TTLL10: variants seen among roughly 807,000 people sequenced by gnomAD.
The protein encoded by TTLL10 is tubulin tyrosine ligase like 10.
A neutral mutation model predicts 69.0 loss-of-function variants in TTLL10; 61 were observed. The observed-to-expected ratio is 0.88, with a 90% CI of 0.72 to 1.09. TTLL10 has a LOEUF of 1.09. TTLL10 is among the 50% of genes least tolerant of loss of function. TTLL10 has a pLI of 0.00. For synonymous variants in TTLL10, 408 were observed against 393.3 expected, an observed-to-expected ratio of 1.04 and a Z score of -0.44; for missense variants, 962 against 945.9, an observed-to-expected ratio of 1.02 and a Z score of -0.22.
chr1:1,179,074 T>C, intron 3 of TTLL10, 115 bp from the exon 4 acceptor site: 2 of 689,860 alleles, frequency 2.9e-6, no homozygotes, highest in East Asian at 2.9e-5. Flanking sequence ...CCCACGGCCC[T>C]GGGAGGCGCC....
At position 1,185,510 on chromosome 1, in the gene TTLL10, C is replaced by A; in HGVS notation, c.1401+401C>A. ...GAGCAGCAGCAGCTGCCCGTGCAGG[C>A]CCGGACTCTCCCTAGCTAAGGGCCA... On this transcript the variant is annotated intron_variant, in intron 13 of 15. Coordinates refer to ENST00000379289, the MANE Select transcript of TTLL10 (RefSeq NM_001130045.2). This position sits in a 1 kb window ranked among gnomAD's most constrained non-coding sequence, Gnocchi z 6.1. The A allele has an allele frequency of 9.5e-7, 1 of 1,050,878 alleles. No individual in the cohort carries two copies. The highest frequency in any genetic ancestry group is 1.1e-6 in the Non-Finnish European group (1 of 872,588). 65.1% of individuals were successfully genotyped at this position (1,050,878 alleles called of 1,614,324 possible).
chr1:1,190,167 T>C (rs571795607), intron 13 of TTLL10, among the ~76,000 whole-genome samples: 1 of 151,704 alleles, frequency 6.6e-6, no homozygotes, highest in Admixed American at 6.6e-5. Context: ...ATTTGTTTAG[T>C]GTACAAAGTA....
Position 1,185,705 on chromosome 1 carries a change from C to A in TTLL10, c.1401+596C>A, listed in dbSNP as rs1194354430. 2.6e-5 allele frequency: 26 copies of A among 985,424 alleles called. No individual in the cohort carries two copies. Among genetic ancestry groups the A allele is most frequent in the Non-Finnish European group, 2.8e-5 (23 of 830,018 alleles). The allele number at this position is 985,424 out of a possible 1,614,324, so 61.0% of individuals were successfully genotyped here. On this transcript the variant is annotated intron_variant, in intron 13 of 15. Coordinates refer to ENST00000379289, the MANE Select transcript of TTLL10 (RefSeq NM_001130045.2). This position sits in a 1 kb window ranked among gnomAD's most constrained non-coding sequence, Gnocchi z 6.1. ...CTGTCTTGGTCACCCCGGCCAGGCC[C>A]CGGAAGCAGCAGCCAGGGATGGTCC...
intron 13 of TTLL10, among the ~76,000 whole-genome samples, chr1:1,186,850 G>GT (rs35158481): frequency 0.1 from 14,243 of 140,214 alleles, 807 homozygotes; most frequent in East Asian, 0.16. Flanking sequence ...TTTGTTTTTT[G>GT]TTTTTTTTTT....
intron 6 of TTLL10, 26 bp from the exon 7 acceptor site, chr1:1,180,457 G>GGCCCCCC: frequency 3.9e-6 from 6 of 1,520,722 alleles, no homozygotes; most frequent in South Asian, 1.2e-5. Flanking sequence ...CGGCCCCCAG[G>GGCCCCCC]TCACCCCCGC....
chr1:1,185,027 T>C lies in TTLL10; in HGVS notation c.1319T>C (p.Met440Thr). The change falls in exon 13 of 16, where the codon ATG (methionine) becomes ACG (threonine). Residue 440 changes from methionine to threonine, a missense_variant. Coordinates refer to ENST00000379289, the MANE Select transcript of TTLL10 (RefSeq NM_001130045.2). The surrounding 1 kb of genome is among the most constrained non-coding windows in gnomAD (Gnocchi z 6.1). ...CTGAAGGAGCACACGGTGTGGAGCA[T>C]GGAACACCTCAACCGCTACATCAGT... ...MLLKEHTVWSMEHLNRYISDT... is the reference protein window; with the variant it reads ...MLLKEHTVWSTEHLNRYISDT... The C allele has an allele frequency of 1.2e-6, 2 of 1,614,014 alleles. No individual in the cohort carries two copies. The highest frequency in any genetic ancestry group is 1.7e-6 in the Non-Finnish European group (2 of 1,179,998).
At chr1:1,183,106 G>A in intron 11 of TTLL10, 59 bp downstream of exon 11, 2 of 1,517,174 alleles carry the variant, frequency 1.3e-6, no homozygotes, top group Non-Finnish European at 1.8e-6. Context: ...GGGCCCCACT[G>A]GTGCAGTCAG....
chr1:1,197,859 C>CGCGCCCA lies in TTLL10; in HGVS notation c.*19_*25dup. On this transcript the variant is annotated 3_prime_UTR_variant, in exon 16 of 16. Transcript: ENST00000379289. Reference sequence around the variant, plus strand: ...ACGCGAGGCCCTAGGGGCAGCCACCCGCGCCCAGCGCCCCGCGCCCCGCGC... The same window carrying CGCGCCCA: ...ACGCGAGGCCCTAGGGGCAGCCACCCGCGCCCAGCGCCCAGCGCCCCGCGCCCCGCGC... The CGCGCCCA allele has an allele frequency of 7.0e-7, 1 of 1,429,548 alleles. No homozygotes were observed. 88.6% of individuals were successfully genotyped at this position (1,429,548 alleles called of 1,614,324 possible).
At chr1:1,175,278 T>C (rs1204427609) in intron 3 of TTLL10, 1 of 215,874 alleles carries the variant, frequency 4.6e-6, no homozygotes, top group Non-Finnish European at 9.1e-6. Flanking sequence ...TTCCAGCTGC[T>C]GCTTCTTCTG....
intron 10 of TTLL10, 23 bp downstream of exon 10, chr1:1,182,469 C>T: frequency 6.2e-7 from 1 of 1,610,660 alleles, no homozygotes; most frequent in Non-Finnish European, 8.5e-7. Flanking sequence ...TGGCCGGACA[C>T]CAGGCTGGCC....
intron 13 of TTLL10, among the ~76,000 whole-genome samples, chr1:1,188,548 G>C (rs1647513274): frequency 6.6e-6 from 1 of 151,910 alleles, no homozygotes; most frequent in Non-Finnish European, 1.5e-5. Flanking sequence ...GGGATTACAG[G>C]CACCCACCAC....
At chr1:1,191,981 C>T (rs554965530) in intron 13 of TTLL10, among the ~76,000 whole-genome samples, 1 of 152,376 alleles carries the variant, frequency 6.6e-6, no homozygotes, top group South Asian at 2.1e-4. Context: ...TCATTCCCGT[C>T]AACCCACAAC....
At chr1:1,182,849 C>T in intron 10 of TTLL10, 27 bp from the exon 11 acceptor site, 1 of 1,533,760 alleles carries the variant, frequency 6.5e-7, no homozygotes. Flanking sequence ...GGGGCGAGGC[C>T]AGGGGCTCAG....
Position 1,182,863 on chromosome 1 carries a change from G to C in TTLL10, c.917-13G>C. The C allele has an allele frequency of 6.4e-7, 1 of 1,553,380 alleles. No individual in the cohort carries two copies. Among genetic ancestry groups the C allele is most frequent in the Non-Finnish European group, 8.7e-7 (1 of 1,146,702 alleles). ...GGGGGCGAGGCCAGGGGCTCAGGCC[G>C]CGCTCTCTGCAGAAACCCAGATATG... On this transcript the variant is annotated splice_polypyrimidine_tract_variant and intron_variant, in intron 10 of 15. Transcript: ENST00000379289.
At chr1:1,178,157 G>C (rs1453204782) in intron 3 of TTLL10, among the ~76,000 whole-genome samples, 1 of 152,136 alleles carries the variant, frequency 6.6e-6, no homozygotes, top group South Asian at 2.1e-4. Flanking sequence ...GCCCAGCCTG[G>C]AGCCTCAGGC....
intron 3 of TTLL10, among the ~76,000 whole-genome samples, chr1:1,178,546 A>G (rs1247420193): frequency 6.6e-6 from 1 of 151,584 alleles, no homozygotes; most frequent in Non-Finnish European, 1.5e-5. Context: ...GGGCCACAAG[A>G]ATGAAGCTCC....
intron 13 of TTLL10, among the ~76,000 whole-genome samples, chr1:1,189,228 G>A (rs1647564463): frequency 6.6e-6 from 1 of 152,242 alleles, no homozygotes; most frequent in African/African-American, 2.4e-5. Flanking sequence ...GATCTGAGGA[G>A]GAAGGCCGTG....
chr1:1,182,415 C>G lies in TTLL10; in HGVS notation c.885C>G (p.His295Gln), dbSNP rs139967804. 2.8e-4 allele frequency: 446 copies of G among 1,613,870 alleles called. No individual in the cohort carries two copies. The highest frequency in any genetic ancestry group is 3.5e-4 in the Non-Finnish European group (412 of 1,179,942). Residue 295 changes from histidine to glutamine, a missense_variant, in exon 10 of 16, where the codon CAC becomes CAG. By Grantham distance (24) the His-to-Gln change is conservative. Coordinates refer to ENST00000379289, the MANE Select transcript of TTLL10 (RefSeq NM_001130045.2). ...FPETYRLDLKHEREAFFTLFD... is the reference protein window; with the variant it reads ...FPETYRLDLKQEREAFFTLFD... The stretch of plus-strand genomic sequence containing the variant: ...AGACCTACCGCCTGGACCTCAAACA[C>G]GAGAGAGAGGCCTTTTTCACCTTGT...
At chr1:1,193,453 A>C (rs1340864705) in intron 13 of TTLL10, among the ~76,000 whole-genome samples, 1 of 151,072 alleles carries the variant, frequency 6.6e-6, no homozygotes, top group African/African-American at 2.4e-5. Flanking sequence ...TTTTAGAGAG[A>C]TATTTTCTAG....
Sources: gnomAD v4.1 joint callset for allele counts (sites outside exome capture counted in the v4.1 genomes callset) on GRCh38, gnomAD v4.1.1 for gene constraint, Gnocchi (gnomAD v3.1) non-coding constraint, MANE v1.5 for transcripts, NCBI Gene and HGNC (gene_info 2026-07-23, HGNC 2026-07-21) for gene names.